The following DDX21 variants were observed in gnomAD, a reference collection of about 807,000 sequenced individuals.
DDX21 encodes the protein DExD-box helicase 21.
Under a neutral mutation model 90.0 loss-of-function variants are expected in DDX21, and 18 were observed. The observed-to-expected ratio is 0.20, with a 90% CI of 0.14 to 0.30. DDX21 has a LOEUF of 0.30. DDX21 is among the 10% of genes least tolerant of loss of function. DDX21 has a pLI of 1.00. For missense variants in DDX21, 673 were observed against 944.5 expected (o/e 0.71, Z 3.77); for synonymous variants, 294 against 318.0 (o/e 0.92, Z 0.80).
At chr10:68,964,331 G>A (rs1031432208) in intron 4 of DDX21, among the ~76,000 whole-genome samples, 1 of 152,160 alleles carries the variant, frequency 6.6e-6, no homozygotes, top group African/African-American at 2.4e-5. Flanking sequence ...TGGCCTTCCA[G>A]TGTCCATGCT....
At chr10:68,972,201 T>G in intron 9 of DDX21, 149 bp downstream of exon 9, 2 of 888,098 alleles carry the variant, frequency 2.3e-6, no homozygotes, top group South Asian at 3.7e-5. Flanking sequence ...AATGAACCTG[T>G]TATCAGACAC....
intron 12 of DDX21, among the ~76,000 whole-genome samples, chr10:68,978,278 A>G (rs1174116684): frequency 6.6e-6 from 1 of 152,172 alleles, no homozygotes; most frequent in East Asian, 1.9e-4. Flanking sequence ...GGATTATGCC[A>G]TGTTCTGAAA....
chr10:68,970,110 A>G, intron 7 of DDX21, 91 bp from the exon 8 acceptor site: 2 of 1,231,426 alleles, frequency 1.6e-6, no homozygotes, highest in Non-Finnish European at 1.1e-6. Context: ...AGACATTAGA[A>G]CATTAGTGTT....
At chr10:68,978,705 C>T (rs1169355219) in intron 12 of DDX21, 137 bp from the exon 13 acceptor site, 6 of 1,126,002 alleles carry the variant, frequency 5.3e-6, no homozygotes, top group Admixed American at 2.8e-5. Flanking sequence ...AGGGACTGTT[C>T]GTACTAATTG....
At chr10:68,957,765 TAGG>T (rs1193244007) in intron 1 of DDX21, among the ~76,000 whole-genome samples, 4 of 100,884 alleles carry the variant, frequency 4.0e-5, no homozygotes, top group African/African-American at 1.3e-4. Flanking sequence ...TTTTGTTGGC[TAGG>T]AGATTATTCT....
intron 14 of DDX21, among the ~76,000 whole-genome samples, chr10:68,981,976 C>T (rs1172288843): frequency 3.9e-5 from 6 of 152,128 alleles, no homozygotes; most frequent in South Asian, 2.1e-4. Flanking sequence ...CGGGTTCAAG[C>T]GATTCTCTTG....
intron 10 of DDX21, among the ~76,000 whole-genome samples, chr10:68,973,928 A>G (rs1015140721): frequency 1.3e-5 from 2 of 151,866 alleles, no homozygotes; most frequent in African/African-American, 4.8e-5. Flanking sequence ...ATTAAGATTG[A>G]GGGGCTGTAG....
At chr10:68,958,660 T>TGA (rs1842832788) in intron 1 of DDX21, among the ~76,000 whole-genome samples, 1 of 151,994 alleles carries the variant, frequency 6.6e-6, no homozygotes, top group Non-Finnish European at 1.5e-5. Flanking sequence ...GATGGTCTCC[T>TGA]TCTCCTGACC....
At chr10:68,977,248 A>G (rs942684663) in intron 11 of DDX21, among the ~76,000 whole-genome samples, 1 of 152,174 alleles carries the variant, frequency 6.6e-6, no homozygotes, top group Non-Finnish European at 1.5e-5. Context: ...ACATTTTAAA[A>G]TTGTTTGTAC....
rs1470160514 is a variant in DDX21, at chr10:68,984,751, T to G, written c.*1939T>G. The G allele has an allele frequency of 1.3e-5, 2 of 152,160 alleles. No individual in the cohort carries two copies. Among genetic ancestry groups the G allele is most frequent in the Non-Finnish European group, 2.9e-5 (2 of 68,012 alleles). 9.4% of individuals were successfully genotyped at this position (152,160 alleles called of 1,614,324 possible). A position where few individuals can be genotyped will look rare whatever the true frequency, so the allele number is the denominator to read the frequency against. On this transcript the variant is annotated 3_prime_UTR_variant, in exon 15 of 15. Transcript: ENST00000354185. ...CATAAATTAAGAGTAAGAGAGAAGA[T>G]TAATAGAAATTTCACTTCACATAAC...
rs142725173 is a variant in DDX21 at position 68,963,507 on chromosome 10, G to A, written c.786+38G>A. The A allele has an allele frequency of 3.3e-4, 521 of 1,559,924 alleles. 1 individual carries two copies. The African/African-American group carries it at 6.4e-3, about 19-fold the overall frequency. On this transcript the variant is annotated intron_variant, in intron 4 of 14. Transcript: ENST00000354185. ...AATACAAGGGCTCTCAGTCAGCATA[G>A]GAAAAACCACCACTTGGGCATTGTG...
chr10:68,957,486 T>A lies in DDX21; in HGVS notation c.87+1174T>A, dbSNP rs375845963. Among the ~76,000 whole-genome samples, 15 of 152,322 alleles carry A rather than the reference T, an allele frequency of 9.8e-5. 1 individual carries two copies. The East Asian group carries it at 1.7e-3, about 18-fold the overall frequency. ...CTTAGAATTAACTTTCCTTGTTGGTTTCTCTGTCTTTTGATATGGAGTTCT... is the reference window on the plus strand; with the variant it reads ...CTTAGAATTAACTTTCCTTGTTGGTATCTCTGTCTTTTGATATGGAGTTCT... On this transcript the variant is annotated intron_variant, in intron 1 of 14. Transcript: ENST00000354185.
intron 2 of DDX21, among the ~76,000 whole-genome samples, chr10:68,961,362 A>C (rs114313961): frequency 6.6e-6 from 1 of 152,256 alleles, no homozygotes; most frequent in African/African-American, 2.4e-5. Flanking sequence ...TGCAAAAAGA[A>C]AGAAATGCTT....
intron 11 of DDX21, among the ~76,000 whole-genome samples, chr10:68,975,393 C>T (rs940252035): frequency 2.0e-5 from 3 of 152,172 alleles, no homozygotes; most frequent in African/African-American, 7.2e-5. Context: ...GGATCCGTGG[C>T]TGATTCCCCT....
At chr10:68,965,208 T>G (rs1842924129) in intron 4 of DDX21, among the ~76,000 whole-genome samples, 169 bp from the exon 5 acceptor site, 1 of 152,218 alleles carries the variant, frequency 6.6e-6, no homozygotes, top group Non-Finnish European at 1.5e-5. Context: ...ATATAAAGAA[T>G]TTAGTAGAGT....
At chr10:68,979,001 C>A in intron 13 of DDX21, 25 bp downstream of exon 13, 1 of 1,613,496 alleles carries the variant, frequency 6.2e-7, no homozygotes, top group African/African-American at 1.3e-5. Flanking sequence ...TCTGTTGTAA[C>A]CTTGATGGGG....
At chr10:68,968,952 CT>C (rs570963470) in intron 6 of DDX21, 23 bp from the exon 7 acceptor site, 166 of 1,598,252 alleles carry the variant, frequency 1.0e-4, no homozygotes, top group East Asian at 6.1e-4. Context: ...TTCATACTGA[CT>C]TTTTTTTTCC....
intron 6 of DDX21, among the ~76,000 whole-genome samples, chr10:68,968,576 T>G (rs1218846952): frequency 6.6e-6 from 1 of 152,206 alleles, no homozygotes; most frequent in East Asian, 1.9e-4. Flanking sequence ...ACACTTCTAT[T>G]TGGAATGTTT....
At chr10:68,979,742 ATGT>A (rs1250169349) in intron 13 of DDX21, among the ~76,000 whole-genome samples, 1 of 152,218 alleles carries the variant, frequency 6.6e-6, no homozygotes, top group African/African-American at 2.4e-5. Flanking sequence ...ATGTCTAGCC[ATGT>A]TGTTATCTCC....
Sources: allele counts gnomAD v4.1 joint callset (sites outside exome capture counted in the v4.1 genomes callset), GRCh38; gene constraint gnomAD v4.1.1; transcripts MANE v1.5; gene names NCBI Gene and HGNC (gene_info 2026-07-23, HGNC 2026-07-21).